The following MED18 variants were observed in gnomAD, a reference collection of about 807,000 sequenced individuals.
The protein encoded by MED18 is mediator complex subunit 18, also known as mediator of RNA polymerase II transcription subunit 18.
MED18 carries 10 observed loss-of-function variants against 13.9 expected under a neutral mutation model. The observed-to-expected ratio is 0.72, with a 90% CI of 0.44 to 1.22. The LOEUF is 1.22. MED18 is among the 50% of genes most tolerant of loss of function. The pLI is 0.00. For synonymous variants in MED18, 88 were observed against 93.2 expected, an observed-to-expected ratio of 0.94 and a Z score of 0.32; for missense variants, 216 against 279.0, an observed-to-expected ratio of 0.77 and a Z score of 1.61.
chr1:28,335,127 T>C lies in MED18; in HGVS notation c.*157T>C. On this transcript the variant is annotated 3_prime_UTR_variant, in exon 3 of 3. Transcript: ENST00000373842. ...CACGATCTCGGCTCACTGCAACCTC[T>C]GCCTCCTGGGTTCAAGCAATTCTCC... 4 of 668,746 alleles carry C rather than the reference T, an allele frequency of 6.0e-6. No individual in the cohort carries two copies. Among genetic ancestry groups the C allele is most frequent in the South Asian group, 2.0e-5 (1 of 49,406 alleles). 41.4% of individuals were successfully genotyped at this position (668,746 alleles called of 1,614,324 possible). A position where few individuals can be genotyped will look rare whatever the true frequency, so the allele number is the denominator to read the frequency against.
intron 1 of MED18, among the ~76,000 whole-genome samples, chr1:28,329,912 T>C (rs1649651625): frequency 6.6e-6 from 1 of 152,186 alleles, no homozygotes; most frequent in Non-Finnish European, 1.5e-5. Context: ...ACTTTTTCAG[T>C]TCTTCTGAAT....
In MED18 at chr1:28,334,352, A is replaced by G. The variant is rs561661885; in HGVS notation, c.74-65A>G. On this transcript the variant is annotated intron_variant, in intron 2 of 2. Transcript: ENST00000373842. ...TTGGTTTTTCATTTAAGTTTTTTCA[A>G]TTGTATACTAACTCCATGACCTAAA... 5.3e-5 allele frequency: 80 copies of G among 1,507,518 alleles called. No individual in the cohort carries two copies. The South Asian group carries it at 7.8e-4, about 15-fold the overall frequency. The allele number at this position is 1,507,518 out of a possible 1,614,324, so 93.4% of individuals were successfully genotyped here.
At chr1:28,333,905 T>C (rs942350783) in intron 2 of MED18, among the ~76,000 whole-genome samples, 3 of 152,110 alleles carry the variant, frequency 2.0e-5, no homozygotes, top group African/African-American at 7.2e-5. Context: ...ATGGAAGACT[T>C]TGATTTGTTG....
chr1:28,334,359 A>G (rs1229570870), intron 2 of MED18, 58 bp from the exon 3 acceptor site: 1 of 1,531,526 alleles, frequency 6.5e-7, no homozygotes, highest in Non-Finnish European at 8.8e-7. Context: ...TCAATTGTAT[A>G]CTAACTCCAT....
intron 1 of MED18, among the ~76,000 whole-genome samples, chr1:28,329,930 C>T (rs1423826592): frequency 6.6e-6 from 1 of 152,090 alleles, no homozygotes; most frequent in Non-Finnish European, 1.5e-5. Flanking sequence ...AATTTTGTTG[C>T]CTCTTTATTA....
rs1381305278 is a variant in MED18 at position 28,334,435 on chromosome 1, G to A, written c.92G>A (p.Ser31Asn). 6.2e-7 allele frequency: 1 copy of A among 1,613,666 alleles called. No homozygotes were observed. Among genetic ancestry groups the A allele is most frequent in the Non-Finnish European group, 8.5e-7 (1 of 1,179,696 alleles). Residue 31 changes from serine (S) to asparagine (N), a missense_variant, in exon 3 of 3, where the codon AGT becomes AAT. By Grantham distance (46) the Ser-to-Asn change is conservative. Coordinates refer to ENST00000373842, the MANE Select transcript of MED18 (RefSeq NM_017638.3). ...TTTTCAGGAAGTGTTTTAGATCACA[G>A]TTTGGAAAGCCTCATCCACCGCCTT... ...YLLQGSVLDHSLESLIHRLRG... is the reference protein window; with the variant it reads ...YLLQGSVLDHNLESLIHRLRG...
In MED18 at chr1:28,334,372, C is replaced by A. The variant is rs369974909; in HGVS notation, c.74-45C>A. 10 of 1,563,418 alleles carry A rather than the reference C, an allele frequency of 6.4e-6. No homozygotes were observed. In the East Asian group the frequency reaches 6.8e-5, roughly 11 times the overall value. The stretch of plus-strand genomic sequence containing the variant: ...TTTCAATTGTATACTAACTCCATGA[C>A]CTAAAATGAAAGACAGGACTCAGTG... On this transcript the variant is annotated intron_variant, in intron 2 of 2. Transcript: ENST00000373842.
At chr1:28,333,587 G>T (rs898451963) in intron 2 of MED18, among the ~76,000 whole-genome samples, 1 of 152,210 alleles carries the variant, frequency 6.6e-6, no homozygotes, top group Non-Finnish European at 1.5e-5. Context: ...TTAGCCAGGT[G>T]CAGTGGCTCC....
chr1:28,329,531 G>A (rs139401775), intron 1 of MED18, among the ~76,000 whole-genome samples: 10,798 of 151,896 alleles, frequency 0.071, 539 homozygotes, highest in Middle Eastern at 0.17. Context: ...CAGTTGATCC[G>A]CCGGCCTCGG....
chr1:28,333,792 G>A (rs1649824326), intron 2 of MED18, among the ~76,000 whole-genome samples: 1 of 152,170 alleles, frequency 6.6e-6, no homozygotes. Context: ...CCCAGGAGGT[G>A]GAGGTTGCAG....
chr1:28,334,393 C>G, intron 2 of MED18, 24 bp from the exon 3 acceptor site: 1 of 1,600,738 alleles, frequency 6.2e-7, no homozygotes, highest in Non-Finnish European at 8.5e-7. Context: ...AGACAGGACT[C>G]AGTGGTGCTT....
At chr1:28,330,275 C>CAAAA (rs35222016) in intron 1 of MED18, 8 of 53,256 alleles carry the variant, frequency 1.5e-4, no homozygotes, top group South Asian at 3.0e-4. Context: ...AACTCCGTCT[C>CAAAA]AAAAAAAAAA....
rs139067472 is a variant in MED18 at position 28,334,872 on chromosome 1, G to T, written c.529G>T (p.Ala177Ser). The T allele has an allele frequency of 6.2e-7, 1 of 1,614,108 alleles. No homozygotes were observed. The highest frequency in any genetic ancestry group is 8.5e-7 in the Non-Finnish European group (1 of 1,180,026). Residue 177 changes from alanine (A) to serine (S), a missense_variant, in exon 3 of 3, where the codon GCT becomes TCT. Physicochemically the swap from Ala to Ser is moderately conservative, Grantham distance 99. Transcript: ENST00000373842. The part of the protein sequence containing the change: ...YLVELSVVAP[A>S]GQDMVSDDMK... ...CGTGGAATTAAGTGTGGTAGCACCC[G>T]CTGGGCAGGACATGGTCTCTGATGA...
intron 1 of MED18, among the ~76,000 whole-genome samples, chr1:28,330,086 A>G (rs568421157): frequency 3.7e-4 from 57 of 152,194 alleles, no homozygotes; most frequent in African/African-American, 1.3e-3. Context: ...AACCTGGCCA[A>G]CATGACGAAA....
intron 1 of MED18, among the ~76,000 whole-genome samples, chr1:28,329,579 C>G (rs1350520385): frequency 6.6e-6 from 1 of 151,968 alleles, no homozygotes; most frequent in Non-Finnish European, 1.5e-5. Context: ...TGAGCCACCG[C>G]GCCCGGCCTT....
At position 28,334,499 on chromosome 1, in the gene MED18, T is replaced by C. The variant is rs776867486; in HGVS notation, c.156T>C (p.Leu52=). The C allele has an allele frequency of 1.9e-6, 3 of 1,614,070 alleles. No homozygotes were observed. The highest frequency in any genetic ancestry group is 1.3e-5 in the African/African-American group (1 of 74,938). The change falls in exon 3 of 3, where the codon CTT becomes CTC. Residue 52 remains leucine, a synonymous_variant. Transcript: ENST00000373842. The part of the protein sequence containing the change: ...LCDNMEPETF[L]DHEMVFLLKG... The stretch of plus-strand genomic sequence containing the variant: ...ACAACATGGAACCTGAGACTTTCCT[T>C]GACCATGAGATGGTATTCCTCCTTA...
chr1:28,331,110 T>C (rs1280457094), intron 2 of MED18, among the ~76,000 whole-genome samples: 3 of 150,130 alleles, frequency 2.0e-5, no homozygotes, highest in African/African-American at 7.4e-5. Context: ...AGGAGAATGG[T>C]GTGAACCTGG....
rs1649918442 is a variant in MED18 at position 28,335,613 on chromosome 1, A to C, written c.*643A>C. ...TGAGGTAGGTGGATCACCCAAGGTC[A>C]GGAGTTTGAGACCAGCCTGGCCAAA... On this transcript the variant is annotated 3_prime_UTR_variant, in exon 3 of 3. Coordinates refer to ENST00000373842, the MANE Select transcript of MED18 (RefSeq NM_017638.3). The C allele has an allele frequency of 6.6e-6, 1 of 152,048 alleles. No individual in the cohort carries two copies. The highest frequency in any genetic ancestry group is 1.5e-5 in the Non-Finnish European group (1 of 68,064). 9.4% of individuals were successfully genotyped at this position (152,048 alleles called of 1,614,324 possible).
At chr1:28,330,476 C>A (rs1649681823) in intron 1 of MED18, 121 bp from the exon 2 acceptor site, 1 of 454,210 alleles carries the variant, frequency 2.2e-6, no homozygotes, top group Non-Finnish European at 3.9e-6. Flanking sequence ...CTGGAACTGG[C>A]CATATAAGGA....
Sources: allele counts gnomAD v4.1 joint callset (sites outside exome capture counted in the v4.1 genomes callset), GRCh38; gene constraint gnomAD v4.1.1; transcripts MANE v1.5; gene names NCBI Gene and HGNC (gene_info 2026-07-23, HGNC 2026-07-21).